TRIM71: variants seen among roughly 807,000 people sequenced by gnomAD.
TRIM71 encodes tripartite motif containing 71.
A neutral mutation model predicts 61.2 loss-of-function variants in TRIM71; 9 were observed. That is an observed-to-expected ratio of 0.15 (90% CI 0.09 to 0.26). The LOEUF (loss-of-function observed/expected upper bound fraction) is 0.26, where lower values mean the gene tolerates loss of function less well. Among genes scored for constraint, TRIM71 ranks in the 10% least tolerant of loss-of-function variants. TRIM71 has a pLI of 1.00. For missense variants in TRIM71, 998 were observed against 1,238.7 expected (o/e 0.81, Z 2.92); for synonymous variants, 645 against 553.2 (o/e 1.17, Z -2.33).
chr3:32,845,201 A>G (rs909445870), intron 1 of TRIM71, among the ~76,000 whole-genome samples: 1 of 152,122 alleles, frequency 6.6e-6, no homozygotes, highest in African/African-American at 2.4e-5. Flanking sequence ...GAGTACAGTA[A>G]TTTTCAGACA....
chr3:32,876,689 A>G (rs1009076771), intron 2 of TRIM71, among the ~76,000 whole-genome samples: 1 of 152,210 alleles, frequency 6.6e-6, no homozygotes, highest in African/African-American at 2.4e-5. Flanking sequence ...GATTGAAAAC[A>G]GTTGGAGCAT....
At chr3:32,869,907 G>A (rs1559547440) in intron 1 of TRIM71, among the ~76,000 whole-genome samples, 1 of 152,162 alleles carries the variant, frequency 6.6e-6, no homozygotes, top group Non-Finnish European at 1.5e-5. Flanking sequence ...GCATCTGCCC[G>A]GGAAGCCCCA....
intron 2 of TRIM71, 30 bp from the exon 3 acceptor site, chr3:32,885,904 C>A: frequency 1.9e-6 from 3 of 1,603,598 alleles, no homozygotes; most frequent in South Asian, 2.2e-5. Flanking sequence ...CCTTCTAATG[C>A]CTCGAAGTTG....
chr3:32,867,040 A>AGTT (rs1696745534), intron 1 of TRIM71, among the ~76,000 whole-genome samples: 1 of 152,158 alleles, frequency 6.6e-6, no homozygotes, highest in African/African-American at 2.4e-5. Context: ...TGCAGAGATA[A>AGTT]CGGCATCCCT....
At chr3:32,875,709 G>A (rs1001449794) in intron 2 of TRIM71, among the ~76,000 whole-genome samples, 4 of 151,922 alleles carry the variant, frequency 2.6e-5, no homozygotes, top group Admixed American at 6.6e-5. Context: ...TGTGACACTC[G>A]CCTGTAATCC....
At chr3:32,863,657 G>C (rs1228284060) in intron 1 of TRIM71, among the ~76,000 whole-genome samples, 1 of 152,022 alleles carries the variant, frequency 6.6e-6, no homozygotes, top group Admixed American at 6.6e-5. Flanking sequence ...TAAGCTTCTT[G>C]TATGTAGGTA....
At chr3:32,877,867 T>C (rs997798413) in intron 2 of TRIM71, among the ~76,000 whole-genome samples, 1 of 152,112 alleles carries the variant, frequency 6.6e-6, no homozygotes, top group Non-Finnish European at 1.5e-5. Context: ...CCCATTAGGG[T>C]TGGGATCAGC....
In TRIM71 at chr3:32,829,217, T is replaced by C. The variant is rs1211881675; in HGVS notation, c.852+10285T>C. Among the ~76,000 whole-genome samples, 15 of 146,488 alleles carry C rather than the reference T, an allele frequency of 1.0e-4. No individual in the cohort carries two copies. In the Admixed American group the frequency reaches 1.0e-3, roughly 10 times the overall value. ...TTTTTTTTTTGAGATGGAGTTTTGC[T>C]CTTGTTGCCCAGGCTGGAGTGGAAT... On this transcript the variant is annotated intron_variant, in intron 1 of 3. Transcript: ENST00000383763.
At chr3:32,849,335 C>T (rs1696512600) in intron 1 of TRIM71, among the ~76,000 whole-genome samples, 1 of 151,952 alleles carries the variant, frequency 6.6e-6, no homozygotes, top group Non-Finnish European at 1.5e-5. Context: ...GAGGAAGGAT[C>T]TTGCATAGGG....
intron 1 of TRIM71, among the ~76,000 whole-genome samples, chr3:32,851,768 C>T (rs748308042): frequency 1.8e-4 from 27 of 152,180 alleles, no homozygotes; most frequent in Non-Finnish European, 3.7e-4. Flanking sequence ...TTTGAGCCAC[C>T]ACGCCCTGCC....
At chr3:32,859,694 C>A (rs1284360135) in intron 1 of TRIM71, among the ~76,000 whole-genome samples, 5 of 152,130 alleles carry the variant, frequency 3.3e-5, no homozygotes, top group Non-Finnish European at 5.9e-5. Flanking sequence ...GGCCTGGGTG[C>A]CTGGGTTCCC....
chr3:32,870,981 T>G (rs1275604939), intron 1 of TRIM71, among the ~76,000 whole-genome samples: 2 of 151,814 alleles, frequency 1.3e-5, no homozygotes, highest in African/African-American at 2.4e-5. Context: ...TTTTTTTTTT[T>G]TTTTGGTAGT....
intron 1 of TRIM71, among the ~76,000 whole-genome samples, chr3:32,823,396 T>C (rs1164345495): frequency 2.0e-5 from 3 of 152,230 alleles, no homozygotes; most frequent in Non-Finnish European, 2.9e-5. Context: ...TGGAGGCTGT[T>C]GTGGTATCAG....
At chr3:32,840,229 C>G (rs983520683) in intron 1 of TRIM71, among the ~76,000 whole-genome samples, 8 of 152,012 alleles carry the variant, frequency 5.3e-5, no homozygotes, top group Non-Finnish European at 8.8e-5. Context: ...TTCCCCACCC[C>G]CCTTCCCTTC....
chr3:32,841,243 TCAAAAAACAAAA>T (rs1029285168), intron 1 of TRIM71, among the ~76,000 whole-genome samples: 2 of 151,824 alleles, frequency 1.3e-5, no homozygotes, highest in East Asian at 1.9e-4. Context: ...AGACTCTGTC[TCAAAAAACAAAA>T]CAAAAAACAA....
rs1696083436 is a variant in TRIM71, at chr3:32,818,399, G to A, written c.319G>A (p.Asp107Asn). The change falls in exon 1 of 4, where the codon GAC becomes AAC. Residue 107 changes from aspartate to asparagine, a missense_variant. Physicochemically the swap from Asp to Asn is conservative, Grantham distance 23. Transcript: ENST00000383763. ...KVVLAEAAGM[D>N]ALPSSAFLLS... ...AGTGCTAGCCGAGGCGGCGGGTATG[G>A]ACGCGCTGCCTTCGTCCGCCTTCCT... The A allele has an allele frequency of 6.8e-7, 1 of 1,478,532 alleles. No individual in the cohort carries two copies. Among genetic ancestry groups the A allele is most frequent in the East Asian group, 2.9e-5 (1 of 34,056 alleles). The allele number at this position is 1,478,532 out of a possible 1,614,324, so 91.6% of individuals were successfully genotyped here. A position where few individuals can be genotyped will look rare whatever the true frequency, so the allele number is the denominator to read the frequency against.
At chr3:32,881,714 C>T (rs1436097413) in intron 2 of TRIM71, among the ~76,000 whole-genome samples, 1 of 152,182 alleles carries the variant, frequency 6.6e-6, no homozygotes, top group Non-Finnish European at 1.5e-5. Flanking sequence ...GAAGTTTACC[C>T]AGCCTTTCTA....
At chr3:32,848,453 G>T (rs151213196) in intron 1 of TRIM71, among the ~76,000 whole-genome samples, 1 of 152,318 alleles carries the variant, frequency 6.6e-6, no homozygotes, top group East Asian at 1.9e-4. Context: ...CCCTGGAGGG[G>T]TGGGGGCCTG....
intron 2 of TRIM71, among the ~76,000 whole-genome samples, chr3:32,877,177 T>C (rs1696859416): frequency 6.6e-6 from 1 of 152,114 alleles, no homozygotes; most frequent in Admixed American, 6.6e-5. Context: ...AATCTTGGCT[T>C]ACTGCAACCT....
Sources: gnomAD v4.1 joint callset for allele counts (sites outside exome capture counted in the v4.1 genomes callset) on GRCh38, gnomAD v4.1.1 for gene constraint, MANE v1.5 for transcripts, NCBI Gene and HGNC (gene_info 2026-07-23, HGNC 2026-07-21) for gene names.